DMGDH: variants seen among roughly 807,000 people sequenced by gnomAD.
The protein encoded by DMGDH is dimethylglycine dehydrogenase, mitochondrial.
A neutral mutation model predicts 95.2 loss-of-function variants in DMGDH; 76 were observed. That is an observed-to-expected ratio of 0.80 (90% CI 0.66 to 0.97). DMGDH has a LOEUF of 0.97. Among genes scored for constraint, DMGDH ranks in the 50% least tolerant of loss-of-function variants. DMGDH has a pLI of 0.00. For synonymous variants in DMGDH, 345 were observed against 377.6 expected (o/e 0.91, Z 1.00); for missense variants, 987 against 1,055.0 (o/e 0.94, Z 0.89).
chr5:79,020,620 T>C (rs1285904039), intron 14 of DMGDH: 1 of 946,856 alleles, frequency 1.1e-6, no homozygotes, highest in African/African-American at 1.8e-5. Flanking sequence ...TAAATATTTC[T>C]TCCAAAAGAG....
intron 13 of DMGDH, among the ~76,000 whole-genome samples, chr5:79,024,946 TA>T (rs1352243335): frequency 6.6e-6 from 1 of 152,272 alleles, no homozygotes; most frequent in East Asian, 1.9e-4. Context: ...AGAACTAGTC[TA>T]AACCCCCTAC....
At chr5:79,043,501 T>C (rs534789764) in intron 6 of DMGDH, among the ~76,000 whole-genome samples, 1 of 152,314 alleles carries the variant, frequency 6.6e-6, no homozygotes, top group South Asian at 2.1e-4. Context: ...TGCTATTATT[T>C]GGGCCTACTC....
intron 15 of DMGDH, chr5:79,000,174 C>A: frequency 1.7e-6 from 1 of 592,880 alleles, no homozygotes; most frequent in Non-Finnish European, 3.3e-6. Flanking sequence ...TTCTTCTCCA[C>A]TAGTATGTTT....
At chr5:79,053,244 C>T (rs1309231737) in intron 4 of DMGDH, among the ~76,000 whole-genome samples, 3 of 152,138 alleles carry the variant, frequency 2.0e-5, no homozygotes, top group African/African-American at 7.2e-5. Flanking sequence ...CCTCAAACAC[C>T]TGGGCTCAAG....
At chr5:79,047,353 T>A (rs1222250906) in intron 5 of DMGDH, among the ~76,000 whole-genome samples, 1 of 152,184 alleles carries the variant, frequency 6.6e-6, no homozygotes, top group Non-Finnish European at 1.5e-5. Context: ...ATGGTTTATA[T>A]GATGACAATG....
intron 3 of DMGDH, 141 bp from the exon 4 acceptor site, chr5:79,054,489 TCTTATTAAAAGACA>T: frequency 1.1e-6 from 1 of 928,020 alleles, no homozygotes; most frequent in Admixed American, 2.2e-5. Context: ...AATATTTGCA[TCTTATTAAAAGACA>T]CTTATTCAGC....
rs3797540 is a variant in DMGDH, at chr5:79,029,153, T to C, written c.1815-503A>G. 8.5e-4 allele frequency among the ~76,000 whole-genome samples: 129 copies of C among 152,296 alleles called. No homozygotes were observed. The East Asian group carries it at 0.013, about 15-fold the overall frequency. ...TTGATGAGTTATTGGGACCCAGCTATAGGGCTGGTTTCTAATTTATTGAGC... is the reference window on the plus strand; with the variant it reads ...TTGATGAGTTATTGGGACCCAGCTACAGGGCTGGTTTCTAATTTATTGAGC... On this transcript the variant is annotated intron_variant, in intron 11 of 15. Transcript: ENST00000255189.
rs1754614626 is a variant in DMGDH, at chr5:79,044,545, C to A, written c.753G>T (p.Trp251Cys). 6.2e-7 allele frequency: 1 copy of A among 1,613,792 alleles called. No individual in the cohort carries two copies. The highest frequency in any genetic ancestry group is 1.3e-5 in the African/African-American group (1 of 74,852). ...CAATCATTTTACCTACTTCACGAGCCCAAAATCCTTAAACAAAAAAATCAT... is the reference window on the plus strand; with the variant it reads ...CAATCATTTTACCTACTTCACGAGCACAAAATCCTTAAACAAAAAAATCAT... Reference protein sequence around the residue: ...ANRIVNAAGFWAREVGKMIGL... With the variant: ...ANRIVNAAGFCAREVGKMIGL... Residue 251 changes from tryptophan (W) to cysteine (C), a missense_variant, in exon 6 of 16, where the codon TGG becomes TGT. Transcript: ENST00000255189.
chr5:79,051,021 T>G (rs967758376), intron 5 of DMGDH, among the ~76,000 whole-genome samples: 1 of 151,828 alleles, frequency 6.6e-6, no homozygotes, highest in African/African-American at 2.4e-5. Flanking sequence ...TAAACATAAT[T>G]TGGAAAAACA....
At chr5:79,012,253 G>T (rs1297587667) in intron 14 of DMGDH, among the ~76,000 whole-genome samples, 1 of 152,222 alleles carries the variant, frequency 6.6e-6, no homozygotes, top group Non-Finnish European at 1.5e-5. Flanking sequence ...CAGCAGGGAA[G>T]TCATTAAATC....
chr5:79,015,067 C>G lies in DMGDH; in HGVS notation c.2250+9204G>C, dbSNP rs574565325. On this transcript the variant is annotated intron_variant, in intron 14 of 15. Coordinates refer to ENST00000255189, the MANE Select transcript of DMGDH (RefSeq NM_013391.3). ...AAAGCCATACTTGCAGAGCTAAGCT[C>G]TCCAAACCCACATGCTCAGATGCCT... 6.2e-4 allele frequency among the ~76,000 whole-genome samples: 94 copies of G among 152,148 alleles called. 1 individual carries two copies. The highest frequency in any genetic ancestry group is 2.8e-4 in the Non-Finnish European group (19 of 68,028).
chr5:79,035,012 G>A (rs370908907), intron 7 of DMGDH, among the ~76,000 whole-genome samples: 9 of 135,436 alleles, frequency 6.6e-5, no homozygotes, highest in East Asian at 4.3e-4. Flanking sequence ...AGCCGAGATC[G>A]CGCCACTGCA....
intron 4 of DMGDH, among the ~76,000 whole-genome samples, chr5:79,052,079 G>A (rs750545963): frequency 6.6e-6 from 1 of 152,132 alleles, no homozygotes; most frequent in South Asian, 2.1e-4. Flanking sequence ...GTGTAGTTTT[G>A]TCCTTTATTC....
rs1214230307 is a variant in DMGDH, at chr5:79,003,968, A to AAATAAATAAATAAATAAATAAATAT, written c.2385+1304_2385+1305insATATTTATTTATTTATTTATTTATT. 1.5e-3 allele frequency among the ~76,000 whole-genome samples: 225 copies of AAATAAATAAATAAATAAATAAATAT among 152,020 alleles called. 1 individual carries two copies. The highest frequency in any genetic ancestry group is 5.3e-3 in the African/African-American group (219 of 41,440). On this transcript the variant is annotated intron_variant, in intron 15 of 15. Transcript: ENST00000255189. The stretch of plus-strand genomic sequence containing the variant: ...TCTCAAAATAAATAAATAAATAAAT[A>AAATAAATAAATAAATAAATAAATAT]AAAATAAAATAAATTCTTAAGAAAC...
At chr5:79,069,377 T>C in intron 1 of DMGDH, 143 bp downstream of exon 1, 1 of 426,830 alleles carries the variant, frequency 2.3e-6, no homozygotes, top group Non-Finnish European at 4.0e-6. Flanking sequence ...TTTCACTTTA[T>C]AATTAAAAGA....
At chr5:79,065,632 A>G (rs1190430693) in intron 1 of DMGDH, among the ~76,000 whole-genome samples, 1 of 152,234 alleles carries the variant, frequency 6.6e-6, no homozygotes, top group Non-Finnish European at 1.5e-5. Flanking sequence ...TAAAATGATG[A>G]TTTAAAGTAT....
Position 78,997,920 on chromosome 5 carries a change from T to C in DMGDH, c.*162A>G, listed in dbSNP as rs967784480. ...CATTTATCTATTATTCTGTCTTGCT[T>C]AGAAAACACTTAACAGAAAGGTTTC... On this transcript the variant is annotated 3_prime_UTR_variant, in exon 16 of 16. Transcript: ENST00000255189. 1 of 711,318 alleles carries C rather than the reference T, an allele frequency of 1.4e-6. No individual in the cohort carries two copies. Among genetic ancestry groups the C allele is most frequent in the Non-Finnish European group, 2.3e-6 (1 of 425,674 alleles). 44.1% of individuals were successfully genotyped at this position (711,318 alleles called of 1,614,324 possible).
chr5:79,055,716 C>T (rs897154545), intron 3 of DMGDH, 94 bp downstream of exon 3: 13 of 820,264 alleles, frequency 1.6e-5, no homozygotes, highest in South Asian at 2.9e-5. Context: ...GCACTCCACA[C>T]GGTCATACAC....
At chr5:79,054,034 G>T in intron 4 of DMGDH, 150 bp downstream of exon 4, 6 of 796,588 alleles carry the variant, frequency 7.5e-6, no homozygotes, top group Non-Finnish European at 1.2e-5. Flanking sequence ...AGCCTATCTT[G>T]TAAGTTACCC....
Sources: gnomAD v4.1 joint callset for allele counts (sites outside exome capture counted in the v4.1 genomes callset) on GRCh38, gnomAD v4.1.1 for gene constraint, MANE v1.5 for transcripts, NCBI Gene and HGNC (gene_info 2026-07-23, HGNC 2026-07-21) for gene names.